Variants in DSP observed in about 807,000 individuals in gnomAD.
DSP encodes the protein desmoplakin.
DSP carries 114 observed loss-of-function variants against 290.6 expected under a neutral mutation model. That is an observed-to-expected ratio of 0.39 (90% CI 0.34 to 0.46). DSP has a LOEUF of 0.46. Ranked by LOEUF, DSP falls within the 20% of genes least tolerant of loss-of-function variation. The pLI, the probability that DSP is intolerant of heterozygous loss-of-function variation, is 0.99. For synonymous variants in DSP, 1,311 were observed against 1,316.4 expected, an observed-to-expected ratio of 1.00 and a Z score of 0.09; for missense variants, 3,230 against 3,495.8, an observed-to-expected ratio of 0.92 and a Z score of 1.92.
chr6:7,574,861 A>T, intron 17 of DSP, 66 bp downstream of exon 17: 1 of 1,609,316 alleles, frequency 6.2e-7, no homozygotes, highest in Non-Finnish European at 8.5e-7. Context: ...GCTCCCAATT[A>T]TAAAGCCTCA....
Position 7,580,233 on chromosome 6 carries a change from T to G in DSP, c.4043T>G (p.Leu1348Arg), listed in dbSNP as rs767003564. Residue 1348 changes from leucine to arginine, a missense_variant, in exon 23 of 24, where the codon CTG becomes CGG. Physicochemically the swap from Leu to Arg is moderately radical, Grantham distance 102 (BLOSUM62 -2). Transcript: ENST00000379802. This position sits in a 1 kb window ranked among gnomAD's most constrained non-coding sequence, Gnocchi z 4.2. ...CGCCGCTGGGAATATGAAAATGAAC[T>G]GAGTAAGGTAAGAAACAATTATGAT... ...AKRRWEYENE[L>R]SKVRNNYDEE... 18 of 1,613,622 alleles carry G rather than the reference T, an allele frequency of 1.1e-5. No individual in the cohort carries two copies. In the East Asian group the frequency reaches 3.6e-4, roughly 32 times the overall value.
chr6:7,543,765 A>T (rs555356166), intron 1 of DSP, among the ~76,000 whole-genome samples: 2 of 152,286 alleles, frequency 1.3e-5, no homozygotes, highest in East Asian at 3.9e-4. Flanking sequence ...TGGATTTCTT[A>T]TCTTTTAAAT....
In DSP at chr6:7,579,345, G is replaced by A; in HGVS notation, c.3155G>A (p.Cys1052Tyr). 6.2e-7 allele frequency: 1 copy of A among 1,614,172 alleles called. No individual in the cohort carries two copies. The highest frequency in any genetic ancestry group is 8.5e-7 in the Non-Finnish European group (1 of 1,180,024). Residue 1052 changes from cysteine (C) to tyrosine (Y), a missense_variant, in exon 23 of 24, where the codon TGT (cysteine) becomes TAT (tyrosine). Transcript: ENST00000379802. This position sits in a 1 kb window ranked among gnomAD's most constrained non-coding sequence, Gnocchi z 4.1. ...RLARDANSEN[C>Y]NKNKFLDQNL... ...GCCCGAGATGCCAACTCGGAAAACT[G>A]TAATAAGAACAAATTCCTGGATCAG...
intron 1 of DSP, among the ~76,000 whole-genome samples, chr6:7,546,447 C>A (rs1356608491): frequency 6.6e-6 from 1 of 152,110 alleles, no homozygotes; most frequent in African/African-American, 2.4e-5. Context: ...CCAGCAAATA[C>A]CTGTGATGTG....
chr6:7,579,324 G>A lies in DSP; in HGVS notation c.3134G>A (p.Arg1045Gln), dbSNP rs374263890. 27 of 1,614,164 alleles carry A rather than the reference G, an allele frequency of 1.7e-5. No individual in the cohort carries two copies. In the African/African-American group the frequency reaches 1.7e-4, roughly 10 times the overall value. ...EVLEEELRLARDANSENCNKN... is the reference protein window; with the variant it reads ...EVLEEELRLAQDANSENCNKN... ...TTGGAAGAGGAGCTCAGACTGGCCC[G>A]AGATGCCAACTCGGAAAACTGTAAT... Residue 1045 changes from arginine (R) to glutamine (Q), a missense_variant, in exon 23 of 24, where the codon CGA (arginine) becomes CAA (glutamine). Arg to Gln is a conservative substitution (Grantham distance 43). This residue lies in a region of DSP where 1,714 missense variants were observed against 1,844.5 expected (regional missense o/e 0.93). Transcript: ENST00000379802. The surrounding 1 kb of genome is among the most constrained non-coding windows in gnomAD (Gnocchi z 4.1).
At position 7,580,105 on chromosome 6, in the gene DSP, C is replaced by G. The variant is rs753719589; in HGVS notation, c.3915C>G (p.Asp1305Glu). 1 of 1,614,016 alleles carries G rather than the reference C, an allele frequency of 6.2e-7. No homozygotes were observed. The highest frequency in any genetic ancestry group is 8.5e-7 in the Non-Finnish European group (1 of 1,179,964). ...LKQVMQQRSE[D>E]NARHKQSLEE... ...AGGTCATGCAGCAGCGCTCTGAGGA[C>G]AATGCCCGGCACAAGCAGTCCCTGG... The change falls in exon 23 of 24, where the codon GAC becomes GAG. Residue 1305 changes from aspartate (D) to glutamate (E), a missense_variant. Physicochemically the swap from Asp to Glu is conservative, Grantham distance 45. Around this residue, in one of 5 missense-constraint regions of DSP, gnomAD observed 1,714 missense variants for 1,844.5 expected, o/e 0.93. Transcript: ENST00000379802. This position sits in a 1 kb window ranked among gnomAD's most constrained non-coding sequence, Gnocchi z 4.2.
At chr6:7,544,498 T>TTC (rs922102535) in intron 1 of DSP, among the ~76,000 whole-genome samples, 1 of 151,878 alleles carries the variant, frequency 6.6e-6, no homozygotes, top group Admixed American at 6.6e-5. Context: ...TTTCTTTTTT[T>TTC]TTTTTTAGCA....
chr6:7,552,242 T>A (rs1009463256), intron 1 of DSP, among the ~76,000 whole-genome samples: 1 of 152,158 alleles, frequency 6.6e-6, no homozygotes, highest in Non-Finnish European at 1.5e-5. Context: ...GCAAAACATG[T>A]AAGTTTTTTA....
In DSP at chr6:7,579,710, T is replaced by C. The variant is rs1355577119; in HGVS notation, c.3520T>C (p.Leu1174=). 2.5e-6 allele frequency: 4 copies of C among 1,613,182 alleles called. No homozygotes were observed. The highest frequency in any genetic ancestry group is 3.4e-6 in the Non-Finnish European group (4 of 1,179,728). ...IKEKEYEIER[L]RVLLQEEGTR... ...GGAGAAGGAGTACGAGATTGAAAGG[T>C]TGAGGGTTCTACTGCAGGAAGAAGG... Residue 1174 remains leucine (L), a synonymous_variant, in exon 23 of 24, where the codon TTG becomes CTG. Coordinates refer to ENST00000379802, the MANE Select transcript of DSP (RefSeq NM_004415.4). The surrounding 1 kb of genome is among the most constrained non-coding windows in gnomAD (Gnocchi z 4.1).
At chr6:7,569,082 C>T in intron 11 of DSP, 104 bp from the exon 12 acceptor site, 2 of 1,507,986 alleles carry the variant, frequency 1.3e-6, no homozygotes. Context: ...AACGTAAAAG[C>T]TTTAATAATT....
intron 19 of DSP, 83 bp from the exon 20 acceptor site, chr6:7,576,876 A>G: frequency 8.3e-7 from 1 of 1,203,698 alleles, no homozygotes; most frequent in South Asian, 1.3e-5. Flanking sequence ...GGGTACAAAT[A>G]ACAGTGGTAA....
chr6:7,585,948 A>T lies in DSP; in HGVS notation c.*70A>T. 6.7e-7 allele frequency: 1 copy of T among 1,492,280 alleles called. No individual in the cohort carries two copies. Among genetic ancestry groups the T allele is most frequent in the Non-Finnish European group, 9.3e-7 (1 of 1,080,724 alleles). 92.4% of individuals were successfully genotyped at this position (1,492,280 alleles called of 1,614,324 possible). On this transcript the variant is annotated 3_prime_UTR_variant, in exon 24 of 24. Coordinates refer to ENST00000379802, the MANE Select transcript of DSP (RefSeq NM_004415.4). ...AATTTCCACTTTATTAAATAATAGA[A>T]AAGAAAATCCCGGTGCTTGCAGTAG...
At position 7,555,752 on chromosome 6, in the gene DSP, A is replaced by G; in HGVS notation, c.205A>G (p.Asn69Asp). The change falls in exon 2 of 24, where the codon AAC (asparagine) becomes GAC (aspartate). Residue 69 changes from asparagine to aspartate, a missense_variant. By Grantham distance (23) the Asn-to-Asp change is conservative. Transcript: ENST00000379802. ...CACGATGTCCAGGCACCAGAACCAG[A>G]ACACCATCCAGGAGCTGCTGCAGAA... ...TGTMSRHQNQ[N>D]TIQELLQNCS... 6.2e-7 allele frequency: 1 copy of G among 1,614,252 alleles called. No homozygotes were observed. Among genetic ancestry groups the G allele is most frequent in the Admixed American group, 1.7e-5 (1 of 60,028 alleles).
intron 1 of DSP, among the ~76,000 whole-genome samples, chr6:7,553,127 G>A (rs181622297): frequency 6.6e-6 from 1 of 152,148 alleles, no homozygotes; most frequent in African/African-American, 2.4e-5. Context: ...AGTTTCCCAT[G>A]CCTCCATCAT....
intron 3 of DSP, 63 bp downstream of exon 3, chr6:7,558,327 C>A (rs142833622): frequency 6.4e-7 from 1 of 1,568,914 alleles, no homozygotes; most frequent in East Asian, 2.4e-5. Context: ...TAACCAGTTA[C>A]ACTCAATTCC....
At chr6:7,564,368 T>A (rs1416616838) in intron 6 of DSP, among the ~76,000 whole-genome samples, 1 of 152,210 alleles carries the variant, frequency 6.6e-6, no homozygotes, top group Non-Finnish European at 1.5e-5. Flanking sequence ...ATTTGTGTCA[T>A]CATATCTTTA....
Position 7,579,599 on chromosome 6 carries a change from A to G in DSP, c.3409A>G (p.Asn1137Asp), listed in dbSNP as rs1302379717. 3.1e-6 allele frequency: 5 copies of G among 1,614,012 alleles called. No homozygotes were observed. In the Admixed American group the frequency reaches 8.3e-5, roughly 27 times the overall value. The change falls in exon 23 of 24, where the codon AAT becomes GAT. Residue 1137 changes from asparagine (N) to aspartate (D), a missense_variant. Coordinates refer to ENST00000379802, the MANE Select transcript of DSP (RefSeq NM_004415.4). The surrounding 1 kb of genome is among the most constrained non-coding windows in gnomAD (Gnocchi z 4.1). ...GGAAGACAGATTTGACCAACAGAAG[A>G]ATGACTATGACCAACTGCAGAAAGC... The part of the protein sequence containing the change: ...SVEDRFDQQK[N>D]DYDQLQKARQ...
chr6:7,582,304 G>A lies in DSP; in HGVS notation c.5380-338G>A, dbSNP rs1473149657. On this transcript the variant is annotated intron_variant, in intron 23 of 23. Coordinates refer to ENST00000379802, the MANE Select transcript of DSP (RefSeq NM_004415.4). This position sits in a 1 kb window ranked among gnomAD's most constrained non-coding sequence, Gnocchi z 4.2. ...TTCATCTAGCTGTAACAGGTGAGAT[G>A]TAGGTGTAGCAGGTATGATAACCTG... Among the ~76,000 whole-genome samples, 3 of 150,384 alleles carry A rather than the reference G, an allele frequency of 2.0e-5. No individual in the cohort carries two copies. Among genetic ancestry groups the A allele is most frequent in the Non-Finnish European group, 3.0e-5 (2 of 67,724 alleles).
In DSP at chr6:7,581,261, G is replaced by T; in HGVS notation, c.5071G>T (p.Asp1691Tyr). 6.2e-7 allele frequency: 1 copy of T among 1,614,124 alleles called. No homozygotes were observed. The highest frequency in any genetic ancestry group is 1.1e-5 in the South Asian group (1 of 91,080). The change falls in exon 23 of 24, where the codon GAT becomes TAT. Residue 1691 changes from aspartate (D) to tyrosine (Y), a missense_variant. Asp to Tyr is a radical substitution (Grantham distance 160). Coordinates refer to ENST00000379802, the MANE Select transcript of DSP (RefSeq NM_004415.4). ...RNEHFQKAIEDKSRSLNESKI... is the reference protein window; with the variant it reads ...RNEHFQKAIEYKSRSLNESKI... ...TGAGCATTTCCAGAAGGCGATAGAA[G>T]ATAAAAGCAGAAGCTTAAATGAAAG...
Sources: gnomAD v4.1 joint callset for allele counts (sites outside exome capture counted in the v4.1 genomes callset) on GRCh38, gnomAD v4.1.1 for gene constraint, gnomAD v4.1.1 regional missense constraint, Gnocchi (gnomAD v3.1) non-coding constraint, MANE v1.5 for transcripts, NCBI Gene and HGNC (gene_info 2026-07-23, HGNC 2026-07-21) for gene names.